FGF12: variants seen among roughly 807,000 people sequenced by gnomAD.
FGF12 encodes the protein fibroblast growth factor 12.
A neutral mutation model predicts 23.6 loss-of-function variants in FGF12; 14 were observed. The ratio of observed to expected loss-of-function variants is 0.59; its 90% CI spans 0.39 to 0.93. The LOEUF is 0.93. Ranked by LOEUF, FGF12 falls within the 40% of genes least tolerant of loss-of-function variation. The pLI, the probability that FGF12 is intolerant of heterozygous loss-of-function variation, is 0.00. For missense variants in FGF12, 175 were observed against 217.8 expected, an observed-to-expected ratio of 0.80 and a Z score of 1.24; for synonymous variants, 62 against 77.3, an observed-to-expected ratio of 0.80 and a Z score of 1.04.
intron 2 of FGF12, among the ~76,000 whole-genome samples, chr3:192,570,790 A>G (rs1577059763): frequency 6.6e-6 from 1 of 152,246 alleles, no homozygotes; most frequent in African/African-American, 2.4e-5. Flanking sequence ...TACCAAAAAA[A>G]GTTCACTGTA....
intron 2 of FGF12, among the ~76,000 whole-genome samples, chr3:192,602,743 A>G (rs1406702568): frequency 1.3e-5 from 2 of 151,974 alleles, no homozygotes; most frequent in African/African-American, 4.8e-5. Context: ...AAAACACAGA[A>G]AAATACAGGT....
intron 2 of FGF12, among the ~76,000 whole-genome samples, chr3:192,618,406 A>G (rs1044283449): frequency 4.6e-5 from 7 of 152,100 alleles, no homozygotes; most frequent in African/African-American, 1.2e-4. Flanking sequence ...GTGCCATTTG[A>G]TGTAAGGCAA....
intron 4 of FGF12, among the ~76,000 whole-genome samples, chr3:192,326,787 G>A (rs1716843443): frequency 6.6e-6 from 1 of 152,176 alleles, no homozygotes; most frequent in Non-Finnish European, 1.5e-5. Context: ...AAGCAATATT[G>A]ATTAAAGAAA....
intron 5 of FGF12, among the ~76,000 whole-genome samples, chr3:192,159,916 A>G (rs1279015216): frequency 6.6e-6 from 1 of 151,696 alleles, no homozygotes; most frequent in Non-Finnish European, 1.5e-5. Flanking sequence ...GGGGATTACA[A>G]GTGATTTTAA....
At chr3:192,567,718 T>C (rs1017784475) in intron 2 of FGF12, among the ~76,000 whole-genome samples, 3 of 152,142 alleles carry the variant, frequency 2.0e-5, no homozygotes, top group Non-Finnish European at 2.9e-5. Context: ...CATTTTTACA[T>C]GGTCTTCTCC....
At chr3:192,240,110 C>G (rs916184266) in intron 4 of FGF12, among the ~76,000 whole-genome samples, 3 of 152,156 alleles carry the variant, frequency 2.0e-5, no homozygotes, top group African/African-American at 7.2e-5. Flanking sequence ...AATCCCCACC[C>G]TTATGGTAAT....
In FGF12 at chr3:192,727,227, G is replaced by A; in HGVS notation, c.-34C>T. On this transcript the variant is annotated 5_prime_UTR_variant, in exon 2 of 6. Transcript: ENST00000445105. ...CTTTCGAGTGCTGGGAAGTTCAATGGAAGTTGGCCGGAAGATGTGGGCCCG... is the reference window on the plus strand; with the variant it reads ...CTTTCGAGTGCTGGGAAGTTCAATGAAAGTTGGCCGGAAGATGTGGGCCCG... 1.3e-6 allele frequency: 2 copies of A among 1,572,908 alleles called. No homozygotes were observed. Among genetic ancestry groups the A allele is most frequent in the African/African-American group, 1.3e-5 (1 of 74,096 alleles).
rs75371372 is a variant in FGF12 at position 192,205,571 on chromosome 3, A to G, written c.229-34915T>C. Among the ~76,000 whole-genome samples the G allele has an allele frequency of 9.5e-3, 1,444 of 152,306 alleles. 22 individuals are homozygous for G. The highest frequency in any genetic ancestry group is 0.033 in the African/African-American group (1,357 of 41,568). ...AAGTGCCCAGCAAGAAGAGACTAGC[A>G]TCTTATCCTTAGACTGGGTGCTTGA... On this transcript the variant is annotated intron_variant, in intron 4 of 5. Transcript: ENST00000445105.
At chr3:192,426,826 G>C (rs890410276) in intron 2 of FGF12, among the ~76,000 whole-genome samples, 2 of 152,134 alleles carry the variant, frequency 1.3e-5, no homozygotes, top group Non-Finnish European at 2.9e-5. Context: ...TATTTGACTT[G>C]TAACCAAAAT....
intron 2 of FGF12, among the ~76,000 whole-genome samples, chr3:192,462,620 T>G (rs1415041617): frequency 6.6e-6 from 1 of 152,108 alleles, no homozygotes; most frequent in Non-Finnish European, 1.5e-5. Flanking sequence ...CAACAGAAAA[T>G]AGACTGACAC....
At chr3:192,487,038 C>G (rs952289510) in intron 2 of FGF12, among the ~76,000 whole-genome samples, 17 of 152,040 alleles carry the variant, frequency 1.1e-4, no homozygotes, top group African/African-American at 4.1e-4. Context: ...GATCCAGTAA[C>G]ATTGAGCCTG....
intron 4 of FGF12, among the ~76,000 whole-genome samples, chr3:192,222,086 T>C (rs1476339036): frequency 6.6e-6 from 1 of 151,978 alleles, no homozygotes; most frequent in African/African-American, 2.4e-5. Flanking sequence ...ATAAATCAAA[T>C]CTAGAGAGAA....
At chr3:192,453,060 CTAGCT>C (rs766005342) in intron 2 of FGF12, among the ~76,000 whole-genome samples, 2 of 152,258 alleles carry the variant, frequency 1.3e-5, no homozygotes, top group Non-Finnish European at 2.9e-5. Flanking sequence ...CCAGTTGGAT[CTAGCT>C]TAGATATTTA....
At chr3:192,623,044 T>C (rs1228118458) in intron 2 of FGF12, among the ~76,000 whole-genome samples, 10 of 152,196 alleles carry the variant, frequency 6.6e-5, no homozygotes, top group African/African-American at 2.4e-4. Flanking sequence ...AATCAAAGTG[T>C]CACTCATTAT....
intron 2 of FGF12, among the ~76,000 whole-genome samples, chr3:192,459,859 TTG>T (rs1345958861): frequency 6.9e-6 from 1 of 143,988 alleles, no homozygotes; most frequent in Non-Finnish European, 1.5e-5. Flanking sequence ...GTGTGTGTGT[TTG>T]TGTGTGTGCG....
intron 5 of FGF12, among the ~76,000 whole-genome samples, chr3:192,155,710 T>C (rs1301073875): frequency 2.0e-5 from 3 of 152,188 alleles, no homozygotes; most frequent in Non-Finnish European, 4.4e-5. Flanking sequence ...GCACTAGAAT[T>C]TGGAGTTCTG....
Position 192,708,022 on chromosome 3 carries a change from C to T in FGF12, c.13+19159G>A, listed in dbSNP as rs544475836. Reference sequence around the variant, plus strand: ...TCACCCAGGCTGGAGTGCTGTGGCGCGATCTCGGCTCACTGCAAGCTCCGC... The same window carrying T: ...TCACCCAGGCTGGAGTGCTGTGGCGTGATCTCGGCTCACTGCAAGCTCCGC... On this transcript the variant is annotated intron_variant, in intron 2 of 5. Coordinates refer to ENST00000445105, the MANE Select transcript of FGF12 (RefSeq NM_004113.6). Among the ~76,000 whole-genome samples, 283 of 152,166 alleles carry T rather than the reference C, an allele frequency of 1.9e-3. 1 individual carries two copies. The highest frequency in any genetic ancestry group is 5.2e-3 in the South Asian group (25 of 4,826).
At chr3:192,715,593 A>C (rs1718841362) in intron 2 of FGF12, among the ~76,000 whole-genome samples, 1 of 152,236 alleles carries the variant, frequency 6.6e-6, no homozygotes, top group Non-Finnish European at 1.5e-5. Context: ...TTAGATATTT[A>C]GTGTAATAGG....
At chr3:192,720,497 T>TGAC (rs1719003271) in intron 2 of FGF12, among the ~76,000 whole-genome samples, 1 of 152,110 alleles carries the variant, frequency 6.6e-6, no homozygotes, top group Non-Finnish European at 1.5e-5. Context: ...TTAGAACTAT[T>TGAC]GACATAGATC....
Sources: allele counts gnomAD v4.1 joint callset (sites outside exome capture counted in the v4.1 genomes callset), GRCh38; gene constraint gnomAD v4.1.1; transcripts MANE v1.5; gene names NCBI Gene and HGNC (gene_info 2026-07-23, HGNC 2026-07-21).